Variants in CALHM4 observed in about 807,000 individuals in gnomAD.
CALHM4 encodes the protein calcium homeostasis modulator family member 4, also known as calcium homeostasis modulator protein 4.
CALHM4 carries 16 observed loss-of-function variants against 13.3 expected under a neutral mutation model. The observed-to-expected ratio is 1.20, with a 90% CI of 0.81 to 1.82. The LOEUF is 1.82. Among genes scored for constraint, CALHM4 ranks in the 40% most tolerant of loss-of-function variants. CALHM4 has a pLI of 0.00. For synonymous variants in CALHM4, 127 were observed against 137.1 expected, an observed-to-expected ratio of 0.93 and a Z score of 0.52; for missense variants, 344 against 374.9, an observed-to-expected ratio of 0.92 and a Z score of 0.68.
At chr6:116,543,990 A>G (rs1446020768) in intron 2 of CALHM4, 2 of 877,584 alleles carry the variant, frequency 2.3e-6, no homozygotes, top group East Asian at 5.4e-5. Context: ...ACTTAAGACA[A>G]TTTAGGTTTG....
intron 1 of CALHM4, among the ~76,000 whole-genome samples, chr6:116,554,695 A>G (rs1308925269): frequency 1.3e-5 from 2 of 152,230 alleles, no homozygotes; most frequent in East Asian, 3.8e-4. Context: ...TATTAAGAAC[A>G]ATAGATTTTA....
At chr6:116,533,396 T>C (rs1772861676) in intron 1 of CALHM4, among the ~76,000 whole-genome samples, 1 of 152,228 alleles carries the variant, frequency 6.6e-6, no homozygotes. Context: ...CTATTTTGTG[T>C]CTTCAGTGGC....
At chr6:116,541,932 T>C (rs896546698) in intron 1 of CALHM4, among the ~76,000 whole-genome samples, 1 of 152,178 alleles carries the variant, frequency 6.6e-6, no homozygotes, top group South Asian at 2.1e-4. Flanking sequence ...AAATGTGAAT[T>C]TTTTTCTTAA....
At chr6:116,545,393 A>C in intron 2 of CALHM4, 2 of 1,254,712 alleles carry the variant, frequency 1.6e-6, no homozygotes, top group Non-Finnish European at 1.1e-6. Flanking sequence ...TTATAGCATC[A>C]GTTTTTAAAA....
chr6:116,553,883 G>A lies in CALHM4; in HGVS notation c.90G>A (p.Gly30=), dbSNP rs749667944. The A allele has an allele frequency of 1.2e-5, 19 of 1,550,532 alleles. No individual in the cohort carries two copies. Among genetic ancestry groups the A allele is most frequent in the South Asian group, 3.6e-5 (3 of 84,068 alleles). Residue 30 remains glycine, a synonymous_variant, in exon 1 of 2, where the codon GGG becomes GGA. Transcript: ENST00000368596. ...TAATTGCAGCCTTGACTATTGGTGG[G>A]CAACAACTCTTCTCCTCTTCTACAT... ...NSLIAALTIG[G]QQLFSSSTFS...
At chr6:116,553,697 A>T, upstream of CALHM4, 1 of 1,110,582 alleles carries the variant, frequency 9.0e-7, no homozygotes, top group Non-Finnish European at 1.3e-6. Flanking sequence ...ACTTGACACA[A>T]CCAGTTAAAC....
At chr6:116,536,927 G>A (rs368944886) in intron 1 of CALHM4, among the ~76,000 whole-genome samples, 18 of 152,156 alleles carry the variant, frequency 1.2e-4, no homozygotes, top group African/African-American at 4.1e-4. Context: ...GCTGCCACAG[G>A]CCCGACGTTT....
intron 1 of CALHM4, among the ~76,000 whole-genome samples, chr6:116,557,602 T>C (rs1419119204): frequency 6.6e-6 from 1 of 152,204 alleles, no homozygotes; most frequent in African/African-American, 2.4e-5. Flanking sequence ...CAAATTTCTT[T>C]GTAACTCAAA....
chr6:116,540,516 T>A (rs1773384051), intron 1 of CALHM4: 2 of 1,515,264 alleles, frequency 1.3e-6, no homozygotes, highest in Non-Finnish European at 1.8e-6. Flanking sequence ...TAGTGAAGTC[T>A]GTCAGTTTTT....
upstream of CALHM4, chr6:116,553,739 T>C: frequency 1.4e-6 from 2 of 1,466,206 alleles, no homozygotes; most frequent in Non-Finnish European, 1.8e-6. Context: ...TTATAGCTGG[T>C]GGAGTCTAAT....
intron 2 of CALHM4, chr6:116,545,511 A>G: frequency 1.3e-6 from 2 of 1,548,090 alleles, no homozygotes; most frequent in Non-Finnish European, 1.7e-6. Flanking sequence ...GCAGGGCGAG[A>G]CATAGTGCTT....
chr6:116,539,166 A>G (rs527947640), intron 1 of CALHM4, among the ~76,000 whole-genome samples: 156 of 152,348 alleles, frequency 1.0e-3, no homozygotes, highest in African/African-American at 3.7e-3. Flanking sequence ...CTTTCCATTA[A>G]AACAGCTGGT....
At chr6:116,542,924 TA>T (rs1773551945) in intron 1 of CALHM4, among the ~76,000 whole-genome samples, 2 of 152,140 alleles carry the variant, frequency 1.3e-5, no homozygotes, top group African/African-American at 4.8e-5. Context: ...AGCATATATT[TA>T]TATTGGAAGC....
chr6:116,537,335 TA>T (rs1419086476), intron 1 of CALHM4, among the ~76,000 whole-genome samples: 3 of 152,192 alleles, frequency 2.0e-5, no homozygotes, highest in Admixed American at 6.5e-5. Context: ...ATTTTTCTAA[TA>T]GGGGAGAATC....
intron 1 of CALHM4, among the ~76,000 whole-genome samples, chr6:116,537,263 C>T (rs1363000324): frequency 6.6e-6 from 1 of 152,078 alleles, no homozygotes; most frequent in Non-Finnish European, 1.5e-5. Context: ...AGGAATTCAT[C>T]AGAATGGTTG....
At chr6:116,539,127 C>G (rs1773277382) in intron 1 of CALHM4, among the ~76,000 whole-genome samples, 1 of 152,182 alleles carries the variant, frequency 6.6e-6, no homozygotes, top group African/African-American at 2.4e-5. Flanking sequence ...AAAACACAAC[C>G]ATCTACATTT....
At position 116,558,175 on chromosome 6, in the gene CALHM4, G is replaced by C; in HGVS notation, c.909G>C (p.Glu303Asp). Residue 303 changes from glutamate to aspartate, a missense_variant, in exon 2 of 2, where the codon GAG becomes GAC. Transcript: ENST00000368596. ...FLGNRVDEDN[E>D]EDRSRGIELK... is the part of the protein sequence containing the mutation. ...GAAATAGGGTGGATGAGGATAATGA[G>C]GAAGACAGATCAAGAGGTATTGAAT... 1 of 1,613,782 alleles carries C rather than the reference G, an allele frequency of 6.2e-7. No homozygotes were observed. Among genetic ancestry groups the C allele is most frequent in the Non-Finnish European group, 8.5e-7 (1 of 1,179,960 alleles).
At chr6:116,535,475 T>C (rs1000970044) in intron 1 of CALHM4, among the ~76,000 whole-genome samples, 2 of 152,216 alleles carry the variant, frequency 1.3e-5, no homozygotes, top group Non-Finnish European at 2.9e-5. Flanking sequence ...ATTTAAATGA[T>C]CAAGTTTATC....
chr6:116,539,466 AC>A (rs1773296788), intron 1 of CALHM4, among the ~76,000 whole-genome samples: 1 of 152,190 alleles, frequency 6.6e-6, no homozygotes, highest in African/African-American at 2.4e-5. Flanking sequence ...CCCCACATAT[AC>A]TATTATTTAC....
Sources: allele counts gnomAD v4.1 joint callset (sites outside exome capture counted in the v4.1 genomes callset), GRCh38; gene constraint gnomAD v4.1.1; transcripts MANE v1.5; gene names NCBI Gene and HGNC (gene_info 2026-07-23, HGNC 2026-07-21).